Variants in SP140 observed in about 807,000 individuals in gnomAD.
SP140 encodes the protein nuclear body protein SP140.
SP140 carries 81 observed loss-of-function variants against 125.0 expected under a neutral mutation model. That is an observed-to-expected ratio of 0.65 (90% CI 0.54 to 0.78). The LOEUF (loss-of-function observed/expected upper bound fraction) is 0.78. Among genes scored for constraint, SP140 ranks in the 30% least tolerant of loss-of-function variants. The pLI is 0.00. For synonymous variants in SP140, 312 were observed against 354.0 expected (o/e 0.88, Z 1.33); for missense variants, 858 against 1,037.0 (o/e 0.83, Z 2.37).
chr2:230,189,599 C>T, the SP140 span, among the ~76,000 whole-genome samples: 76 of 152,216 alleles, frequency 5.0e-4, no homozygotes, highest in Non-Finnish European at 8.7e-4. Flanking sequence ...CAAAATGGGA[C>T]ACACGTGCAG....
Position 230,294,379 on chromosome 2 carries a change from T to A in SP140, c.2016+61T>A, listed in dbSNP as rs998743892. On this transcript the variant is annotated intron_variant, in intron 21 of 26. Transcript: ENST00000392045. ...CATAACTGATTTAGCATGCACAAAA[T>A]CTTATTTTATGGGGTCTGAAATTGG... 3 of 1,294,362 alleles carry A rather than the reference T, an allele frequency of 2.3e-6. No homozygotes were observed. The East Asian group carries it at 7.0e-5, about 30-fold the overall frequency. The allele number at this position is 1,294,362 out of a possible 1,614,324, so 80.2% of individuals were successfully genotyped here.
intron 3 of SP140, chr2:230,216,746 G>A (rs1337292129): frequency 6.2e-7 from 1 of 1,612,170 alleles, no homozygotes; most frequent in Non-Finnish European, 8.5e-7. Flanking sequence ...ATTGGTGGGG[G>A]CTGGGCTGCC....
intron 22 of SP140, among the ~76,000 whole-genome samples, chr2:230,307,988 T>TATATATATAC (rs1553607408): frequency 5.4e-5 from 4 of 74,450 alleles, no homozygotes; most frequent in African/African-American, 2.4e-4. Context: ...TATATATATA[T>TATATATATAC]ATACACACAC....
At chr2:230,257,792 C>G (rs973098273) in intron 12 of SP140, among the ~76,000 whole-genome samples, 1 of 151,968 alleles carries the variant, frequency 6.6e-6, no homozygotes, top group East Asian at 1.9e-4. Context: ...AAATAAGGGG[C>G]CACCACTTAA....
intron 1 of SP140, chr2:230,210,024 T>C: frequency 6.6e-7 from 1 of 1,511,256 alleles, no homozygotes; most frequent in Non-Finnish European, 9.2e-7. Context: ...AAAAGAAATA[T>C]AAGTCATTTC....
At chr2:230,255,603 T>A in intron 12 of SP140, 71 bp downstream of exon 12, 1 of 1,417,070 alleles carries the variant, frequency 7.1e-7, no homozygotes, top group South Asian at 1.2e-5. Context: ...GAGCTCGTGT[T>A]TCCTGATTGA....
chr2:230,304,103 A>G (rs927516678), intron 22 of SP140, among the ~76,000 whole-genome samples: 1 of 152,260 alleles, frequency 6.6e-6, no homozygotes, highest in African/African-American at 2.4e-5. Flanking sequence ...ACTGTTATAT[A>G]CTAACAGAGA....
chr2:230,238,451 T>C, intron 3 of SP140, 70 bp downstream of exon 3: 4 of 1,422,440 alleles, frequency 2.8e-6, no homozygotes, highest in Non-Finnish European at 3.9e-6. Context: ...CATTCACTCT[T>C]CATTCATATT....
chr2:230,225,996 A>G, intron 1 of SP140, 93 bp downstream of exon 1: 1 of 937,740 alleles, frequency 1.1e-6, no homozygotes, highest in Non-Finnish European at 1.6e-6. Flanking sequence ...TTCACTCTAC[A>G]GGTATACAAT....
chr2:230,212,957 T>C, intron 1 of SP140: 1 of 1,614,044 alleles, frequency 6.2e-7, no homozygotes, highest in Non-Finnish European at 8.5e-7. Flanking sequence ...GGGAGCTTCC[T>C]TCTGCTAGGC....
chr2:230,310,099 G>C, intron 23 of SP140, 60 bp downstream of exon 23: 2 of 1,511,146 alleles, frequency 1.3e-6, no homozygotes, highest in Non-Finnish European at 1.8e-6. Flanking sequence ...CCTGCCATGC[G>C]CACTCTCCAG....
chr2:230,306,600 C>G (rs1292256880), intron 22 of SP140, among the ~76,000 whole-genome samples: 1 of 152,256 alleles, frequency 6.6e-6, no homozygotes, highest in Non-Finnish European at 1.5e-5. Flanking sequence ...TTCCCTGCTC[C>G]CAGCACCTGC....
rs76772837 is a variant in SP140, at chr2:230,296,830, C to A, written c.2017-591C>A. Among the ~76,000 whole-genome samples, 1,352 of 152,300 alleles carry A rather than the reference C, an allele frequency of 8.9e-3. 46 individuals carry two copies. In the East Asian group the frequency reaches 0.12, roughly 14 times the overall value. ...TGAAGTAAGAGGACAAGTAGAGCTTCTCTGACTTGGCCTGTGCAAACTAGG... is the reference window on the plus strand; with the variant it reads ...TGAAGTAAGAGGACAAGTAGAGCTTATCTGACTTGGCCTGTGCAAACTAGG... On this transcript the variant is annotated intron_variant, in intron 21 of 26. Coordinates refer to ENST00000392045, the MANE Select transcript of SP140 (RefSeq NM_007237.5).
chr2:230,211,488 G>A lies in SP140; in HGVS notation c.-322-2166G>A. Reference sequence around the variant, plus strand: ...AGATTACCTGGCATAGAGCCCAAGGGAGAGTGGGGCATCTCTTGAGGGTCT... The same window carrying A: ...AGATTACCTGGCATAGAGCCCAAGGAAGAGTGGGGCATCTCTTGAGGGTCT... On this transcript the variant is annotated intron_variant, in intron 1 of 4. Coordinates refer to the SP140 transcript ENST00000456542. The surrounding 1 kb of genome is among the most constrained non-coding windows in gnomAD (Gnocchi z 4.2). 4 of 1,606,378 alleles carry A rather than the reference G, an allele frequency of 2.5e-6. No homozygotes were observed. Among genetic ancestry groups the A allele is most frequent in the Non-Finnish European group, 3.4e-6 (4 of 1,172,880 alleles).
chr2:230,260,707 C>A (rs185207432), intron 12 of SP140, among the ~76,000 whole-genome samples: 32 of 152,278 alleles, frequency 2.1e-4, no homozygotes, highest in Admixed American at 4.6e-4. Context: ...GGTGTCCTTT[C>A]CCCACTTTAT....
chr2:230,186,190 G>C, the SP140 span: 1 of 1,594,790 alleles, frequency 6.3e-7, no homozygotes, highest in Non-Finnish European at 8.6e-7. Flanking sequence ...CCCTTCTCAT[G>C]TTCCCAGCCC....
At chr2:230,209,449 C>T (rs2044229950) in intron 1 of SP140, among the ~76,000 whole-genome samples, 1 of 151,984 alleles carries the variant, frequency 6.6e-6, no homozygotes, top group African/African-American at 2.4e-5. Context: ...AGTGAGTGAA[C>T]ATTTTAATTG....
At chr2:230,188,843 G>A in the SP140 span, among the ~76,000 whole-genome samples, 1 of 152,066 alleles carries the variant, frequency 6.6e-6, no homozygotes, top group Non-Finnish European at 1.5e-5. Flanking sequence ...TGATCATGGT[G>A]TATTATATTT....
intron 8 of SP140, 99 bp from the exon 9 acceptor site, chr2:230,248,786 G>A: frequency 1.1e-6 from 1 of 891,004 alleles, no homozygotes; most frequent in Non-Finnish European, 1.8e-6. Context: ...ACAAGACAGG[G>A]GTGGCTCTCA....
Sources: gnomAD v4.1 joint callset for allele counts (sites outside exome capture counted in the v4.1 genomes callset) on GRCh38, gnomAD v4.1.1 for gene constraint, Gnocchi (gnomAD v3.1) non-coding constraint, MANE v1.5 for transcripts, NCBI Gene and HGNC (gene_info 2026-07-23, HGNC 2026-07-21) for gene names.